The following INSC variants were observed in gnomAD, a reference collection of about 807,000 sequenced individuals.
The protein encoded by INSC is INSC spindle orientation adaptor protein.
In INSC, 67 loss-of-function variants were observed where a neutral mutation model predicts 58.6. That is an observed-to-expected ratio of 1.14 (90% CI 0.94 to 1.40). The LOEUF (loss-of-function observed/expected upper bound fraction) is 1.40. Ranked by LOEUF, INSC falls within the 40% of genes most tolerant of loss-of-function variation. The pLI is 0.00. For synonymous variants in INSC, 262 were observed against 276.1 expected (o/e 0.95, Z 0.51); for missense variants, 714 against 692.0 (o/e 1.03, Z -0.36).
chr11:15,170,492 C>A (rs138815537), intron 2 of INSC, among the ~76,000 whole-genome samples: 1 of 152,220 alleles, frequency 6.6e-6, no homozygotes, highest in African/African-American at 2.4e-5. Flanking sequence ...GAGACTGAGG[C>A]TACGTGTCCT....
chr11:15,268,345 CT>C, the INSC span, among the ~76,000 whole-genome samples: 1 of 151,982 alleles, frequency 6.6e-6, no homozygotes, highest in African/African-American at 2.4e-5. Context: ...TCAGAAAATC[CT>C]TTCTTGCTTT....
At chr11:15,221,304 A>G (rs146471689) in intron 7 of INSC, among the ~76,000 whole-genome samples, 173 bp from the exon 8 acceptor site, 1 of 152,096 alleles carries the variant, frequency 6.6e-6, no homozygotes, top group Non-Finnish European at 1.5e-5. Context: ...TTGAGTCATT[A>G]TGAGGGCCTT....
intron 1 of INSC, among the ~76,000 whole-genome samples, chr11:15,143,378 G>C (rs1024465327): frequency 6.6e-6 from 1 of 152,156 alleles, no homozygotes; most frequent in African/African-American, 2.4e-5. Context: ...AGAGGAGACA[G>C]AGGAGAGGTT....
At chr11:15,207,655 T>C (rs976503333) in intron 7 of INSC, among the ~76,000 whole-genome samples, 1 of 152,126 alleles carries the variant, frequency 6.6e-6, no homozygotes, top group Non-Finnish European at 1.5e-5. Context: ...GCGGGAATGG[T>C]GGGGAGGCTC....
intron 12 of INSC, among the ~76,000 whole-genome samples, chr11:15,244,146 T>A (rs1415164469): frequency 6.6e-6 from 1 of 152,214 alleles, no homozygotes; most frequent in Non-Finnish European, 1.5e-5. Flanking sequence ...CCTTGTTTCC[T>A]CATCTTCAGA....
chr11:15,246,654 G>T lies in INSC; in HGVS notation c.*614G>T, dbSNP rs977347627. ...CTTGTTTTCATAGGTGTATAAATAG[G>T]TTAAGTTCTGAGTGACTTAGTGAGA... On this transcript the variant is annotated 3_prime_UTR_variant, in exon 13 of 13. Coordinates refer to ENST00000379556, the MANE Select transcript of INSC (RefSeq NM_001042536.3). 2.0e-5 allele frequency: 3 copies of T among 152,446 alleles called. No individual in the cohort carries two copies. Among genetic ancestry groups the T allele is most frequent in the Non-Finnish European group, 4.4e-5 (3 of 68,040 alleles). The allele number at this position is 152,446 out of a possible 1,614,324, so 9.4% of individuals were successfully genotyped here.
chr11:15,125,257 G>A (rs770729255), intron 1 of INSC, among the ~76,000 whole-genome samples: 1 of 152,122 alleles, frequency 6.6e-6, no homozygotes, highest in Non-Finnish European at 1.5e-5. Context: ...AGAGCCTGCC[G>A]GTCCATGTGA....
intron 5 of INSC, among the ~76,000 whole-genome samples, chr11:15,187,383 C>A (rs995779945): frequency 6.6e-6 from 1 of 151,834 alleles, no homozygotes; most frequent in Admixed American, 6.6e-5. Flanking sequence ...TAATCTACTG[C>A]ATCCTGTCAA....
chr11:15,229,948 TTATATATATATTTA>T (rs1402341727), intron 9 of INSC, among the ~76,000 whole-genome samples: 759 of 24,836 alleles, frequency 0.031, 56 homozygotes, highest in African/African-American at 0.095. Context: ...ATATATAATA[TTATATATATATTTA>T]TATATATATA....
intron 9 of INSC, among the ~76,000 whole-genome samples, chr11:15,232,462 T>C (rs1851961625): frequency 6.6e-6 from 1 of 152,218 alleles, no homozygotes; most frequent in South Asian, 2.1e-4. Context: ...TCTTGTTATA[T>C]TGCTCAGGCT....
intron 1 of INSC, among the ~76,000 whole-genome samples, chr11:15,133,073 A>G (rs934807811): frequency 3.9e-5 from 6 of 152,210 alleles, no homozygotes; most frequent in Admixed American, 6.5e-5. Context: ...AATTTCAGCC[A>G]CTGATTCTTT....
chr11:15,232,588 C>T (rs946777457), intron 9 of INSC, among the ~76,000 whole-genome samples: 2 of 152,032 alleles, frequency 1.3e-5, no homozygotes, highest in Non-Finnish European at 2.9e-5. Context: ...TGGTAGGGCC[C>T]CCAGGGATGT....
At chr11:15,174,558 G>A (rs1490111173) in intron 2 of INSC, among the ~76,000 whole-genome samples, 1 of 152,058 alleles carries the variant, frequency 6.6e-6, no homozygotes, top group Non-Finnish European at 1.5e-5. Context: ...GAGTGAATGA[G>A]CTGGTGGCAG....
chr11:15,240,652 T>G lies in INSC; in HGVS notation c.1470+129T>G, dbSNP rs1590016437. 5 of 705,610 alleles carry G rather than the reference T, an allele frequency of 7.1e-6. No homozygotes were observed. In the Middle Eastern group the frequency reaches 7.2e-4, roughly 101 times the overall value. 43.7% of individuals were successfully genotyped at this position (705,610 alleles called of 1,614,324 possible). Reference sequence around the variant, plus strand: ...ACCTCTCTGGGCTTTAGCTTTTCTCTTTAGGATTGTGAACATTGTAATATT... The same window carrying G: ...ACCTCTCTGGGCTTTAGCTTTTCTCGTTAGGATTGTGAACATTGTAATATT... On this transcript the variant is annotated intron_variant, in intron 12 of 12. Transcript: ENST00000379556.
intron 5 of INSC, among the ~76,000 whole-genome samples, chr11:15,186,683 A>G (rs567691546): frequency 2.0e-5 from 3 of 152,220 alleles, no homozygotes; most frequent in African/African-American, 4.8e-5. Context: ...AGTACATCCA[A>G]TCTTTCTGTG....
the INSC span, among the ~76,000 whole-genome samples, chr11:15,263,832 T>G: frequency 1.3e-5 from 2 of 152,170 alleles, no homozygotes; most frequent in African/African-American, 2.4e-5. Context: ...GCTGTAAGAC[T>G]GAAGTTCCTG....
intron 1 of INSC, among the ~76,000 whole-genome samples, chr11:15,143,237 G>A (rs1306440961): frequency 2.6e-5 from 4 of 152,176 alleles, no homozygotes; most frequent in Non-Finnish European, 5.9e-5. Context: ...TTGTGATAAA[G>A]TCTATGGAGG....
At chr11:15,223,022 A>G (rs1851504107) in intron 8 of INSC, among the ~76,000 whole-genome samples, 1 of 152,230 alleles carries the variant, frequency 6.6e-6, no homozygotes, top group African/African-American at 2.4e-5. Flanking sequence ...ACCAGAGCCC[A>G]TTAAGAAACA....
downstream of INSC, among the ~76,000 whole-genome samples, chr11:15,247,865 T>C (rs182977631): frequency 6.6e-6 from 1 of 152,112 alleles, no homozygotes; most frequent in Admixed American, 6.5e-5. Flanking sequence ...TTTTTAAATA[T>C]TGGGAAACTA....
Sources: gnomAD v4.1 joint callset for allele counts (sites outside exome capture counted in the v4.1 genomes callset) on GRCh38, gnomAD v4.1.1 for gene constraint, MANE v1.5 for transcripts, NCBI Gene and HGNC (gene_info 2026-07-23, HGNC 2026-07-21) for gene names.